Variants in CRLF2 observed in about 807,000 individuals in gnomAD.
The protein encoded by CRLF2 is cytokine receptor-like factor 2.
CRLF2 carries 41 observed loss-of-function variants against 38.7 expected under a neutral mutation model. That is an observed-to-expected ratio of 1.06 (90% CI 0.83 to 1.37). CRLF2 has a LOEUF of 1.37. Among genes scored for constraint, CRLF2 ranks in the 40% most tolerant of loss-of-function variants. The pLI is 0.00. For synonymous variants in CRLF2, 140 were observed against 128.8 expected (o/e 1.09, Z -0.59); for missense variants, 377 against 322.2 (o/e 1.17, Z -1.30).
Position 1,192,692 on chromosome X carries a change from TTTTTC to T in CRLF2, c.852+521_852+525del, listed in dbSNP as rs1186342664. On this transcript the variant is annotated intron_variant, in intron 7 of 7. Coordinates refer to ENST00000400841, the MANE Select transcript of CRLF2 (RefSeq NM_022148.4). ...TTCTTTCTCTTTCTTTTTCTCTTTC[TTTTTC>T]TTTTCTTTTCTTTTCTTTCTTTCTT... Among the ~76,000 whole-genome samples the T allele has an allele frequency of 1.3e-3, 201 of 150,104 alleles. 2 individuals carry two copies. The highest frequency in any genetic ancestry group is 2.0e-3 in the Admixed American group (30 of 14,840).
chrX:1,193,049 G>C (rs2086421089), intron 7 of CRLF2, among the ~76,000 whole-genome samples, 169 bp downstream of exon 7: 1 of 151,828 alleles, frequency 6.6e-6, no homozygotes, highest in African/African-American at 2.4e-5. Flanking sequence ...CTGACCTGAA[G>C]TGAGCCTCCC....
In CRLF2 at chrX:1,198,677, G is replaced by T. The variant is rs769271309; in HGVS notation, c.531C>A (p.Ala177=). ...TGACCCAGAAAGAGTAACACTTCTC[G>T]GCATCCAAGCCTTCTATGGTGACGT... ...TCNVTIEGLD[A]EKCYSFWVRV... The change falls in exon 5 of 8, where the codon GCC becomes GCA. Residue 177 remains alanine, a synonymous_variant. Transcript: ENST00000400841. 1 of 1,611,924 alleles carries T rather than the reference G, an allele frequency of 6.2e-7. No individual in the cohort carries two copies. The highest frequency in any genetic ancestry group is 8.5e-7 in the Non-Finnish European group (1 of 1,179,332).
At chrX:1,192,361 C>T (rs1278840156) in intron 7 of CRLF2, among the ~76,000 whole-genome samples, 3 of 151,996 alleles carry the variant, frequency 2.0e-5, no homozygotes, top group Middle Eastern at 3.2e-3. Context: ...CGGTGGCTCA[C>T]GCCTGTCATC....
intron 6 of CRLF2, among the ~76,000 whole-genome samples, chrX:1,195,025 C>T (rs1328341284): frequency 6.6e-6 from 1 of 151,636 alleles, no homozygotes; most frequent in Non-Finnish European, 1.5e-5. Context: ...GAGTGAGACT[C>T]AGTCTCAAAA....
chrX:1,195,796 TTATATATTATATATTAAATTA>T lies in CRLF2; in HGVS notation c.767+963_767+983del, dbSNP rs1396344041. ...TATATTTATATAATTTTATATATAT[TTATATATTATATATTAAATTA>T]TATATATTATATATTAAATTATATA... On this transcript the variant is annotated intron_variant, in intron 6 of 7. Coordinates refer to ENST00000400841, the MANE Select transcript of CRLF2 (RefSeq NM_022148.4). Among the ~76,000 whole-genome samples, 23 of 89,878 alleles carry T rather than the reference TTATATATTATATATTAAATTA, an allele frequency of 2.6e-4. No homozygotes were observed. In the East Asian group the frequency reaches 5.2e-3, roughly 20 times the overall value. 59.0% of individuals were successfully genotyped at this position (89,878 alleles called of 152,430 possible). A position where few individuals can be genotyped will look rare whatever the true frequency, so the allele number is the denominator to read the frequency against.
chrX:1,191,333 CTTT>C (rs1335630577), intron 7 of CRLF2, among the ~76,000 whole-genome samples, 173 bp from the exon 8 acceptor site: 1 of 115,296 alleles, frequency 8.7e-6, no homozygotes, highest in African/African-American at 3.2e-5. Flanking sequence ...TTCTTTCTTT[CTTT>C]CTTTCTTTCC....
intron 1 of CRLF2, among the ~76,000 whole-genome samples, chrX:1,209,316 GTA>G (rs1219755877): frequency 6.7e-6 from 1 of 150,198 alleles, no homozygotes; most frequent in African/African-American, 2.5e-5. Context: ...GTAGTGTAGT[GTA>G]GTGTAGTGTA....
At chrX:1,211,357 G>GTGGATGGATGGA (rs762348364) in intron 1 of CRLF2, among the ~76,000 whole-genome samples, 1,168 of 46,468 alleles carry the variant, frequency 0.025, 96 homozygotes, top group Middle Eastern at 0.037. Flanking sequence ...GGGTGGATGG[G>GTGGATGGATGGA]TGGATGGATG....
intron 1 of CRLF2, among the ~76,000 whole-genome samples, chrX:1,209,548 G>A (rs1252589184): frequency 1.3e-5 from 2 of 151,170 alleles, no homozygotes; most frequent in African/African-American, 2.4e-5. Context: ...AGCCAGGATG[G>A]TCTCGATCTC....
chrX:1,192,943 C>A (rs1397617250), intron 7 of CRLF2, among the ~76,000 whole-genome samples: 2 of 151,030 alleles, frequency 1.3e-5, no homozygotes, highest in African/African-American at 2.4e-5. Context: ...CCTCCAGAGT[C>A]GCTGGGATTA....
chrX:1,192,700 T>C (rs2086408095), intron 7 of CRLF2, among the ~76,000 whole-genome samples: 1 of 148,836 alleles, frequency 6.7e-6, no homozygotes, highest in African/African-American at 2.5e-5. Context: ...TCTTTTTCTT[T>C]TCTTTTCTTT....
chrX:1,208,757 C>G (rs748677333), intron 2 of CRLF2, 49 bp downstream of exon 2: 1 of 1,100,666 alleles, frequency 9.1e-7, no homozygotes. Context: ...CTCAGAAGAG[C>G]GATTTTGAGC....
At chrX:1,198,782 C>CACACAA in intron 4 of CRLF2, 58 bp from the exon 5 acceptor site, 5 of 1,302,668 alleles carry the variant, frequency 3.8e-6, no homozygotes, top group South Asian at 2.6e-5. Context: ...CACACACACA[C>CACACAA]AATGATTAGT....
rs1429651425 is a variant in CRLF2, at chrX:1,210,109, AAAAAAAGAAAAGAAAAG to A, written c.80-1218_80-1202del. Among the ~76,000 whole-genome samples the A allele has an allele frequency of 2.7e-4, 24 of 90,232 alleles. 2 individuals carry two copies. Among genetic ancestry groups the A allele is most frequent in the African/African-American group, 1.3e-3 (24 of 18,116 alleles). The allele number at this position is 90,232 out of a possible 152,430, so 59.2% of individuals were successfully genotyped here. On this transcript the variant is annotated intron_variant, in intron 1 of 7. Transcript: ENST00000400841. ...ACACAGCAAGACTCCCTATCAAAAA[AAAAAAAGAAAAGAAAAG>A]AAAAGAAAAGAAAAGAAAAGAAATG...
At chrX:1,198,936 G>A (rs1463248098) in intron 4 of CRLF2, 5 of 596,688 alleles carry the variant, frequency 8.4e-6, no homozygotes, top group Middle Eastern at 4.6e-4. Context: ...ATCACCTGAG[G>A]TCGCAAGTTC....
Position 1,193,252 on chromosome X carries a change from G to T in CRLF2, c.818C>A (p.Pro273His). Residue 273 changes from proline (P) to histidine (H), a missense_variant, in exon 7 of 8, where the codon CCC (proline) becomes CAC (histidine). Physicochemically the swap from Pro to His is moderately conservative, Grantham distance 77. Coordinates refer to ENST00000400841, the MANE Select transcript of CRLF2 (RefSeq NM_022148.4). ...PSVPDPKSIF[P>H]GLFEIHQGNF... The stretch of plus-strand genomic sequence containing the variant: ...CCCTTGGTGTATCTCAAAGAGCCCG[G>T]GGAAGATGGATTTCGGGTCTGGCAC... 2.5e-6 allele frequency: 1 copy of T among 398,618 alleles called. No homozygotes were observed. 24.7% of individuals were successfully genotyped at this position (398,618 alleles called of 1,614,324 possible).
At chrX:1,197,110 T>TTTTTTGGG (rs1491440516) in intron 5 of CRLF2, among the ~76,000 whole-genome samples, 2 of 148,658 alleles carry the variant, frequency 1.3e-5, no homozygotes, top group African/African-American at 5.0e-5. Context: ...TTTTTTTTTT[T>TTTTTTGGG]GAGACAGAAC....
At chrX:1,197,977 G>A (rs1318741947) in intron 5 of CRLF2, among the ~76,000 whole-genome samples, 3 of 152,012 alleles carry the variant, frequency 2.0e-5, no homozygotes, top group Non-Finnish European at 4.4e-5. Flanking sequence ...ACTCCAGCCT[G>A]GGCACCATGA....
In CRLF2 at chrX:1,195,755, A is replaced by T. The variant is rs1365786606; in HGVS notation, c.767+1025T>A. 4.7e-3 allele frequency among the ~76,000 whole-genome samples: 620 copies of T among 132,632 alleles called. 8 individuals are homozygous for T. Among genetic ancestry groups the T allele is most frequent in the African/African-American group, 0.015 (571 of 38,028 alleles). The allele number at this position is 132,632 out of a possible 152,430, so 87.0% of individuals were successfully genotyped here. On this transcript the variant is annotated intron_variant, in intron 6 of 7. Coordinates refer to ENST00000400841, the MANE Select transcript of CRLF2 (RefSeq NM_022148.4). ...TTTATATTTTTATAAATATATATAT[A>T]TTTTTATATTATATATATATTTATA...
Sources: gnomAD v4.1 joint callset for allele counts (sites outside exome capture counted in the v4.1 genomes callset) on GRCh38, gnomAD v4.1.1 for gene constraint, MANE v1.5 for transcripts, NCBI Gene and HGNC (gene_info 2026-07-23, HGNC 2026-07-21) for gene names.